DYM: variants seen among roughly 807,000 people sequenced by gnomAD.
DYM encodes dyggve-Melchior-Clausen syndrome protein.
In DYM, 78 loss-of-function variants were observed where a neutral mutation model predicts 93.1. The ratio of observed to expected loss-of-function variants is 0.84; its 90% CI spans 0.70 to 1.01. The LOEUF is 1.01. Among genes scored for constraint, DYM ranks in the 50% least tolerant of loss-of-function variants. DYM has a pLI of 0.00. For missense variants in DYM, 789 were observed against 845.0 expected (o/e 0.93, Z 0.82); for synonymous variants, 321 against 319.7 (o/e 1.00, Z -0.04).
At chr18:49,080,346 C>A (rs1196796188) in intron 17 of DYM, among the ~76,000 whole-genome samples, 1 of 135,626 alleles carries the variant, frequency 7.4e-6, no homozygotes, top group African/African-American at 2.7e-5. Context: ...CTGACCCCCC[C>A]CAACTCCCTC....
chr18:49,281,449 C>T (rs2145730624), intron 10 of DYM, among the ~76,000 whole-genome samples: 1 of 152,310 alleles, frequency 6.6e-6, no homozygotes, highest in East Asian at 1.9e-4. Flanking sequence ...CATCCCATTA[C>T]TGGGTATAGA....
intron 1 of DYM, among the ~76,000 whole-genome samples, chr18:49,438,431 G>C (rs2148544834): frequency 6.6e-6 from 1 of 152,268 alleles, no homozygotes; most frequent in East Asian, 1.9e-4. Flanking sequence ...CAGGCGGCCA[G>C]AAGCTGTGAA....
chr18:49,206,220 G>A (rs1399028818), intron 14 of DYM, among the ~76,000 whole-genome samples: 1 of 151,854 alleles, frequency 6.6e-6, no homozygotes, highest in African/African-American at 2.4e-5. Flanking sequence ...GGATGGTCTC[G>A]ATCTCCTGAC....
intron 8 of DYM, among the ~76,000 whole-genome samples, chr18:49,328,370 T>C (rs2063056714): frequency 6.6e-6 from 1 of 152,018 alleles, no homozygotes; most frequent in East Asian, 1.9e-4. Context: ...AATGGATGAA[T>C]GGGCAGAAAA....
chr18:49,460,307 G>C (rs1202950483), intron 1 of DYM, 91 bp downstream of exon 1: 1 of 152,094 alleles, frequency 6.6e-6, no homozygotes, highest in Non-Finnish European at 1.5e-5. Flanking sequence ...CCGGGTTGCG[G>C]AGGGTGGCCC....
At chr18:49,112,113 G>A (rs73957599) in intron 16 of DYM, among the ~76,000 whole-genome samples, 1 of 126,184 alleles carries the variant, frequency 7.9e-6, no homozygotes, top group Non-Finnish European at 1.8e-5. Flanking sequence ...CTCTGCACCC[G>A]CCTCCTCTCC....
At chr18:49,217,212 T>TA (rs2093108055) in intron 13 of DYM, among the ~76,000 whole-genome samples, 1 of 152,038 alleles carries the variant, frequency 6.6e-6, no homozygotes, top group African/African-American at 2.4e-5. Context: ...GAAAAAAGAA[T>TA]AAAAAGAAAC....
chr18:49,306,718 T>C (rs1395303520), intron 8 of DYM, among the ~76,000 whole-genome samples: 1 of 152,212 alleles, frequency 6.6e-6, no homozygotes, highest in Non-Finnish European at 1.5e-5. Context: ...GAGTTATGCA[T>C]TTATTTTCTT....
intron 13 of DYM, among the ~76,000 whole-genome samples, chr18:49,230,438 T>C (rs2093660655): frequency 6.6e-6 from 1 of 152,122 alleles, no homozygotes; most frequent in Non-Finnish European, 1.5e-5. Flanking sequence ...TCCAAAAAAA[T>C]CTTACTACCT....
chr18:49,212,889 G>A (rs143923991), intron 13 of DYM, among the ~76,000 whole-genome samples: 2 of 152,152 alleles, frequency 1.3e-5, no homozygotes, highest in East Asian at 3.9e-4. Context: ...CAAACCTAGA[G>A]CCCTAAAATG....
chr18:49,150,499 G>A (rs1000199772), intron 15 of DYM, among the ~76,000 whole-genome samples: 1 of 152,206 alleles, frequency 6.6e-6, no homozygotes, highest in Non-Finnish European at 1.5e-5. Flanking sequence ...TGAGAAGGTG[G>A]CTGTCTGGAA....
chr18:49,271,371 T>C (rs901160241), intron 11 of DYM, among the ~76,000 whole-genome samples: 5 of 151,890 alleles, frequency 3.3e-5, no homozygotes, highest in African/African-American at 9.7e-5. Context: ...GGTAATAAGA[T>C]GGAAAAAGGA....
At chr18:49,397,262 T>C (rs1170663639) in intron 2 of DYM, among the ~76,000 whole-genome samples, 1 of 152,232 alleles carries the variant, frequency 6.6e-6, no homozygotes, top group African/African-American at 2.4e-5. Flanking sequence ...TACCCATAGA[T>C]GATAAATTAA....
Position 49,037,187 on chromosome 18 carries a change from A to G in DYM, c.*6868T>C, listed in dbSNP as rs1207868298. Among the ~76,000 whole-genome samples the G allele has an allele frequency of 1.3e-5, 2 of 152,140 alleles. No homozygotes were observed. Among genetic ancestry groups the G allele is most frequent in the Non-Finnish European group, 2.9e-5 (2 of 68,034 alleles). On this transcript the variant is annotated 3_prime_UTR_variant, in exon 18 of 18. Coordinates refer to ENST00000675505, the MANE Select transcript of DYM (RefSeq NM_001353214.3). ...CACATGTGAGCCAACATGCCCAGCC[A>G]ATGAGTCCTCTTAATCCTTTTAAAT... is the stretch of plus-strand genomic sequence containing the variant.
Position 49,325,563 on chromosome 18 carries a change from T to C in DYM, c.763+6301A>G, listed in dbSNP as rs370701915. ...ATTATGGGCCACACACCTAACAAAA[T>C]TGAATCTCACTGAGCTACACAGAGA... is the stretch of plus-strand genomic sequence containing the variant. On this transcript the variant is annotated intron_variant, in intron 8 of 17. Transcript: ENST00000675505. Among the ~76,000 whole-genome samples the C allele has an allele frequency of 2.2e-4, 34 of 152,186 alleles. No individual in the cohort carries two copies. In the East Asian group the frequency reaches 2.3e-3, roughly 10 times the overall value.
chr18:49,348,344 G>A (rs529046635), intron 6 of DYM, among the ~76,000 whole-genome samples: 1 of 152,186 alleles, frequency 6.6e-6, no homozygotes, highest in East Asian at 1.9e-4. Flanking sequence ...ATATGCTATA[G>A]TACAGATATT....
At chr18:49,078,941 T>C (rs947841816) in intron 17 of DYM, among the ~76,000 whole-genome samples, 32 of 152,210 alleles carry the variant, frequency 2.1e-4, no homozygotes, top group African/African-American at 7.5e-4. Context: ...GCAAGGTTAA[T>C]TGAGTTGTTC....
At chr18:49,317,646 C>CTCCTCTCCTTCCTTCCT (rs750848541) in intron 8 of DYM, among the ~76,000 whole-genome samples, 20 of 36,610 alleles carry the variant, frequency 5.5e-4, no homozygotes, top group Non-Finnish European at 9.4e-4. Flanking sequence ...ATCCTCTCCT[C>CTCCTCTCCTTCCTTCCT]TCCTTCCTTC....
At chr18:49,336,004 G>T (rs905384899) in intron 6 of DYM, among the ~76,000 whole-genome samples, 3 of 152,022 alleles carry the variant, frequency 2.0e-5, no homozygotes, top group Admixed American at 6.6e-5. Flanking sequence ...TACAAAGAGG[G>T]GGTTTTACCA....
Sources: gnomAD v4.1 joint callset for allele counts (sites outside exome capture counted in the v4.1 genomes callset) on GRCh38, gnomAD v4.1.1 for gene constraint, MANE v1.5 for transcripts, NCBI Gene and HGNC (gene_info 2026-07-23, HGNC 2026-07-21) for gene names.